The following LAMP1 variants were observed in gnomAD, a reference collection of about 807,000 sequenced individuals.
LAMP1 encodes lysosome associated membrane protein 1.
In LAMP1, 7 loss-of-function variants were observed where a neutral mutation model predicts 37.5. The observed-to-expected ratio is 0.19, with a 90% CI of 0.11 to 0.35. The LOEUF (loss-of-function observed/expected upper bound fraction) is 0.35. Ranked by LOEUF, LAMP1 falls within the 10% of genes least tolerant of loss-of-function variation. The pLI, the probability that LAMP1 is intolerant of heterozygous loss-of-function variation, is 1.00. For synonymous variants in LAMP1, 236 were observed against 229.1 expected (o/e 1.03, Z -0.27); for missense variants, 537 against 552.8 (o/e 0.97, Z 0.29).
chr13:113,321,766 G>A lies in LAMP1; in HGVS notation c.1114+39G>A, dbSNP rs528611276. 1 of 1,601,990 alleles carries A rather than the reference G, an allele frequency of 6.2e-7. No individual in the cohort carries two copies. Among genetic ancestry groups the A allele is most frequent in the South Asian group, 1.1e-5 (1 of 90,666 alleles). On this transcript the variant is annotated intron_variant, in intron 8 of 8. Coordinates refer to ENST00000332556, the MANE Select transcript of LAMP1 (RefSeq NM_005561.4). The surrounding 1 kb of genome is among the most constrained non-coding windows in gnomAD (Gnocchi z 5.6). ...AGGGCAGCTGTCGCGGGGTGTGGAG[G>A]ACGTGCTTCAGACTCCGCCTGTGGA...
chr13:113,316,460 CA>C (rs2042665006), intron 4 of LAMP1, among the ~76,000 whole-genome samples: 5 of 147,462 alleles, frequency 3.4e-5, no homozygotes, highest in Admixed American at 6.8e-5. Flanking sequence ...CCCGCTCTGT[CA>C]CCCCAGGCTG....
intron 1 of LAMP1, among the ~76,000 whole-genome samples, chr13:113,301,647 ATATATATAT>A (rs2042574512): frequency 5.1e-3 from 2 of 394 alleles, no homozygotes; most frequent in African/African-American, 9.2e-3. Flanking sequence ...AAAAAAAAAT[ATATATATAT>A]ATATATATAT....
At chr13:113,301,608 G>A (rs1352252386) in intron 1 of LAMP1, among the ~76,000 whole-genome samples, 2 of 139,314 alleles carry the variant, frequency 1.4e-5, no homozygotes, top group Admixed American at 1.5e-4. Flanking sequence ...GGGTGACAGA[G>A]TGAGACTCTG....
intron 2 of LAMP1, among the ~76,000 whole-genome samples, chr13:113,307,163 CT>C (rs11426559): frequency 9.5e-5 from 13 of 137,372 alleles, no homozygotes; most frequent in African/African-American, 2.2e-4. Flanking sequence ...TTCTAGTTTT[CT>C]TTTTTTTTTT....
intron 4 of LAMP1, among the ~76,000 whole-genome samples, chr13:113,314,895 A>G (rs1443303706): frequency 0.033 from 1,167 of 35,506 alleles, no homozygotes; most frequent in East Asian, 0.047. Context: ...GTGGCCTCCT[A>G]GAGGGAGTCA....
At chr13:113,310,055 A>G (rs1236133926) in intron 3 of LAMP1, among the ~76,000 whole-genome samples, 193 bp downstream of exon 3, 1 of 150,790 alleles carries the variant, frequency 6.6e-6, no homozygotes, top group Non-Finnish European at 1.5e-5. Context: ...ATTGCGAAAC[A>G]CTGTCTCTAC....
rs2042548815 is a variant in LAMP1, at chr13:113,297,474, C to T, written c.40C>T (p.Leu14=). 1 of 1,245,814 alleles carries T rather than the reference C, an allele frequency of 8.0e-7. No homozygotes were observed. The highest frequency in any genetic ancestry group is 1.0e-6 in the Non-Finnish European group (1 of 993,392). The allele number at this position is 1,245,814 out of a possible 1,614,324, so 77.2% of individuals were successfully genotyped here. A position where few individuals can be genotyped will look rare whatever the true frequency, so the allele number is the denominator to read the frequency against. ...CAGCGCCCGGCGACCCCTGCTGCTGCTACTGCTGTTGCTGCTGCTCGGTGA... is the reference window on the plus strand; with the variant it reads ...CAGCGCCCGGCGACCCCTGCTGCTGTTACTGCTGTTGCTGCTGCTCGGTGA... The part of the protein sequence containing the change: ...PGSARRPLLL[L]LLLLLLGLMH... Residue 14 remains leucine (L), a synonymous_variant, in exon 1 of 9, where the codon CTA becomes TTA. Coordinates refer to ENST00000332556, the MANE Select transcript of LAMP1 (RefSeq NM_005561.4). The surrounding 1 kb of genome is among the most constrained non-coding windows in gnomAD (Gnocchi z 4.4).
intron 2 of LAMP1, among the ~76,000 whole-genome samples, chr13:113,309,361 A>G (rs935087097): frequency 1.3e-5 from 2 of 152,194 alleles, no homozygotes; most frequent in African/African-American, 4.8e-5. Context: ...TCAGCCTCCC[A>G]GAGTGTTAGC....
chr13:113,322,112 G>A (rs1045881835), intron 8 of LAMP1, 170 bp from the exon 9 acceptor site: 2 of 717,668 alleles, frequency 2.8e-6, no homozygotes, highest in East Asian at 5.1e-5. Flanking sequence ...CGTGCAGAGA[G>A]CACCAGTCTC....
intron 1 of LAMP1, among the ~76,000 whole-genome samples, chr13:113,304,264 A>C (rs761183458): frequency 6.6e-6 from 1 of 152,220 alleles, no homozygotes; most frequent in African/African-American, 2.4e-5. Flanking sequence ...CCGGGTTGTC[A>C]GTGGTGACTG....
At chr13:113,301,048 G>A (rs529218466) in intron 1 of LAMP1, among the ~76,000 whole-genome samples, 2 of 152,180 alleles carry the variant, frequency 1.3e-5, no homozygotes, top group South Asian at 2.1e-4. Flanking sequence ...ACATCTGTTC[G>A]GCTGCACTGG....
At chr13:113,318,239 G>C (rs964864460) in intron 4 of LAMP1, among the ~76,000 whole-genome samples, 3 of 152,220 alleles carry the variant, frequency 2.0e-5, no homozygotes, top group African/African-American at 7.2e-5. Flanking sequence ...CATAGGCGAC[G>C]TTGCCTGTCT....
rs1345202456 is a variant in LAMP1 at position 113,320,285 on chromosome 13, C to T, written c.751-60C>T. ...AATTCACGGTTTCAGGACTGTTTGT[C>T]TTTTCGAGAGTGTGGAGGACCTGAG... On this transcript the variant is annotated intron_variant, in intron 5 of 8. Coordinates refer to ENST00000332556, the MANE Select transcript of LAMP1 (RefSeq NM_005561.4). This position sits in a 1 kb window ranked among gnomAD's most constrained non-coding sequence, Gnocchi z 4.4. 1 of 1,604,040 alleles carries T rather than the reference C, an allele frequency of 6.2e-7. No homozygotes were observed. The highest frequency in any genetic ancestry group is 2.2e-5 in the East Asian group (1 of 44,772).
rs1266693424 is a variant in LAMP1 at position 113,301,641 on chromosome 13, AAAAATATATATATATATATATATATATAT to A, written c.61+4148_61+4176del. ...CTGTTTCCATTTAAAAAAAAAAAAA[AAAAATATATATATATATATATATATATAT>A]ATATATATATATATATATATATTTA... is the stretch of plus-strand genomic sequence containing the variant. On this transcript the variant is annotated intron_variant, in intron 1 of 8. Transcript: ENST00000332556. Among the ~76,000 whole-genome samples, 150 of 30,424 alleles carry A rather than the reference AAAAATATATATATATATATATATATATAT, an allele frequency of 4.9e-3. 9 individuals carry two copies. The highest frequency in any genetic ancestry group is 0.015 in the African/African-American group (90 of 6,148). 20.0% of individuals were successfully genotyped at this position (30,424 alleles called of 152,430 possible).
At position 113,321,532 on chromosome 13, in the gene LAMP1, C is replaced by T. The variant is rs749842194; in HGVS notation, c.944-25C>T. 1 of 1,613,842 alleles carries T rather than the reference C, an allele frequency of 6.2e-7. No individual in the cohort carries two copies. The highest frequency in any genetic ancestry group is 1.7e-5 in the Admixed American group (1 of 59,978). ...CCGCGCGCCCAGGGTATTCTGGAGC[C>T]ACTAGACCTCTGTGTGTGTTGCAGA... On this transcript the variant is annotated intron_variant, in intron 7 of 8. Transcript: ENST00000332556. This position sits in a 1 kb window ranked among gnomAD's most constrained non-coding sequence, Gnocchi z 5.6.
Position 113,306,600 on chromosome 13 carries a change from C to T in LAMP1, c.177C>T (p.Gly59=). ...AFSVNYDTKS[G]PKNMTFDLPS... Reference sequence around the variant, plus strand: ...CAGTGAACTACGACACCAAGAGTGGCCCTAAGGTAGGAAACACCAGGGCAC... The same window carrying T: ...CAGTGAACTACGACACCAAGAGTGGTCCTAAGGTAGGAAACACCAGGGCAC... Residue 59 remains glycine (G), a synonymous_variant, in exon 2 of 9, where the codon GGC becomes GGT. Coordinates refer to ENST00000332556, the MANE Select transcript of LAMP1 (RefSeq NM_005561.4). 1 of 1,613,390 alleles carries T rather than the reference C, an allele frequency of 6.2e-7. No homozygotes were observed. Among genetic ancestry groups the T allele is most frequent in the Non-Finnish European group, 8.5e-7 (1 of 1,179,714 alleles).
Position 113,319,656 on chromosome 13 carries a change from G to A in LAMP1, c.750G>A (p.Thr250=). Residue 250 remains threonine (T), a splice_region_variant and synonymous_variant, in exon 5 of 9, where the codon ACG becomes ACA. Transcript: ENST00000332556. ...TCACCTATGAGAGGAAGGACAACAC[G>A]GTAGGGCTGGGGCCTCACCTGGGAG... ...LNLTYERKDN[T]TVTRLLNINP... 6.2e-7 allele frequency: 1 copy of A among 1,607,554 alleles called. No individual in the cohort carries two copies. The highest frequency in any genetic ancestry group is 8.5e-7 in the Non-Finnish European group (1 of 1,178,034).
chr13:113,310,915 G>A, intron 4 of LAMP1, 48 bp downstream of exon 4: 2 of 1,523,352 alleles, frequency 1.3e-6, no homozygotes, highest in Non-Finnish European at 1.8e-6. Context: ...TGGGTAGCTG[G>A]GCTGCAGTGG....
Position 113,320,338 on chromosome 13 carries a change from T to C in LAMP1, c.751-7T>C, listed in dbSNP as rs376201076. ...AGGGTGGTGACTTGCTTGCTTGTCT[T>C]ATGCAGACGGTGACAAGGCTTCTCA... On this transcript the variant is annotated splice_polypyrimidine_tract_variant and splice_region_variant and intron_variant, in intron 5 of 8. Transcript: ENST00000332556. The surrounding 1 kb of genome is among the most constrained non-coding windows in gnomAD (Gnocchi z 4.4). The C allele has an allele frequency of 2.5e-6, 4 of 1,613,968 alleles. No individual in the cohort carries two copies. In the African/African-American group the frequency reaches 4.0e-5, roughly 16 times the overall value.
Sources: allele counts gnomAD v4.1 joint callset (sites outside exome capture counted in the v4.1 genomes callset), GRCh38; gene constraint gnomAD v4.1.1; non-coding constraint Gnocchi (gnomAD v3.1); transcripts MANE v1.5; gene names NCBI Gene and HGNC (gene_info 2026-07-23, HGNC 2026-07-21).